The following CADM2 variants were observed in gnomAD, a reference collection of about 807,000 sequenced individuals.
The protein encoded by CADM2 is immunoglobulin superfamily member 4D.
Under a neutral mutation model 49.8 loss-of-function variants are expected in CADM2, and 12 were observed. That is an observed-to-expected ratio of 0.24 (90% CI 0.15 to 0.39). The LOEUF is 0.39. Ranked by LOEUF, CADM2 falls within the 10% of genes least tolerant of loss-of-function variation. The pLI, the probability that CADM2 is intolerant of heterozygous loss-of-function variation, is 1.00. For synonymous variants in CADM2, 214 were observed against 175.4 expected (o/e 1.22, Z -1.74); for missense variants, 378 against 492.3 (o/e 0.77, Z 2.20).
chr3:85,581,800 T>C (rs1470746637), intron 1 of CADM2, among the ~76,000 whole-genome samples: 1 of 152,048 alleles, frequency 6.6e-6, no homozygotes, highest in African/African-American at 2.4e-5. Context: ...TCTTAAGTTC[T>C]TAGTGAGCTT....
intron 7 of CADM2, among the ~76,000 whole-genome samples, chr3:85,948,523 T>C (rs1398346564): frequency 3.3e-5 from 5 of 151,426 alleles, no homozygotes; most frequent in Non-Finnish European, 5.9e-5. Context: ...AGAGATGTGC[T>C]ATTATTTTAA....
intron 1 of CADM2, among the ~76,000 whole-genome samples, chr3:85,004,486 C>T (rs2033628959): frequency 6.6e-6 from 1 of 152,046 alleles, no homozygotes; most frequent in African/African-American, 2.4e-5. Context: ...AGTAAATAAG[C>T]AATTCTACTG....
intron 1 of CADM2, among the ~76,000 whole-genome samples, chr3:85,487,947 C>T (rs17022879): frequency 0.15 from 22,520 of 151,986 alleles, 2,033 homozygotes; most frequent in East Asian, 0.29. Context: ...AATTTCACAC[C>T]CCATTTTACA....
chr3:85,184,690 A>G (rs2041012667), intron 1 of CADM2, among the ~76,000 whole-genome samples: 1 of 152,068 alleles, frequency 6.6e-6, no homozygotes, highest in Admixed American at 6.6e-5. Context: ...AAACACCTAA[A>G]TAAGTTAGCT....
chr3:85,840,642 C>T (rs1036899042), intron 3 of CADM2, among the ~76,000 whole-genome samples: 1 of 151,726 alleles, frequency 6.6e-6, no homozygotes, highest in Non-Finnish European at 1.5e-5. Flanking sequence ...TTCAGAAATC[C>T]ATTGTTCATT....
At chr3:85,742,589 A>G (rs556644191) in intron 2 of CADM2, among the ~76,000 whole-genome samples, 2 of 152,228 alleles carry the variant, frequency 1.3e-5, no homozygotes, top group Non-Finnish European at 2.9e-5. Flanking sequence ...GTTATTTCAG[A>G]GCAAAAATTA....
intron 1 of CADM2, among the ~76,000 whole-genome samples, chr3:85,723,656 T>C (rs2067587501): frequency 6.6e-6 from 1 of 152,104 alleles, no homozygotes; most frequent in East Asian, 1.9e-4. Flanking sequence ...AATCAAAGGA[T>C]AAAATCCTCT....
At chr3:85,776,199 CTTA>C (rs2107973385) in intron 2 of CADM2, among the ~76,000 whole-genome samples, 1 of 151,684 alleles carries the variant, frequency 6.6e-6, no homozygotes, top group South Asian at 2.1e-4. Flanking sequence ...TCATTCTAGG[CTTA>C]TTATAGTCTT....
chr3:85,123,523 T>C (rs1443880884), intron 1 of CADM2, among the ~76,000 whole-genome samples: 2 of 152,170 alleles, frequency 1.3e-5, no homozygotes, highest in Non-Finnish European at 2.9e-5. Context: ...GATGTGATTG[T>C]TTTCTGAAGA....
intron 3 of CADM2, among the ~76,000 whole-genome samples, chr3:85,859,062 A>G (rs1050045889): frequency 1.3e-5 from 2 of 152,068 alleles, no homozygotes; most frequent in Non-Finnish European, 2.9e-5. Flanking sequence ...AAACATTCTC[A>G]TTGTATACTA....
chr3:85,133,847 G>A (rs1033414763), intron 1 of CADM2, among the ~76,000 whole-genome samples: 1 of 152,122 alleles, frequency 6.6e-6, no homozygotes, highest in Non-Finnish European at 1.5e-5. Flanking sequence ...TGCCAGTCCC[G>A]CGCCGTGCGC....
Position 85,376,618 on chromosome 3 carries a change from G to T in CADM2, c.62-349904G>T, listed in dbSNP as rs547792207. On this transcript the variant is annotated intron_variant, in intron 1 of 9. Coordinates refer to ENST00000383699, the MANE Select transcript of CADM2 (RefSeq NM_001167675.2). ...TGTATTCTGAAAAATGGATACACAT[G>T]ATGGTTTACTATTTATTTGGAACTT... Among the ~76,000 whole-genome samples, 135 of 152,074 alleles carry T rather than the reference G, an allele frequency of 8.9e-4. 1 individual carries two copies. Among genetic ancestry groups the T allele is most frequent in the Middle Eastern group, 3.4e-3 (1 of 290 alleles).
chr3:85,881,335 G>A (rs1042730260), intron 3 of CADM2, among the ~76,000 whole-genome samples: 1 of 151,688 alleles, frequency 6.6e-6, no homozygotes, highest in Admixed American at 6.6e-5. Flanking sequence ...TTTTATAATG[G>A]TTGCTTAAAA....
chr3:86,035,532 A>G (rs530049363), intron 8 of CADM2, among the ~76,000 whole-genome samples: 1 of 152,224 alleles, frequency 6.6e-6, no homozygotes, highest in East Asian at 1.9e-4. Context: ...GAACGCATAT[A>G]TAGTATACTT....
intron 2 of CADM2, among the ~76,000 whole-genome samples, chr3:85,775,574 C>T (rs9869320): frequency 0.14 from 21,842 of 151,674 alleles, 2,004 homozygotes; most frequent in Non-Finnish European, 0.2. Context: ...ATTTTATAAA[C>T]TGCTTTTTAA....
At chr3:85,584,496 G>T (rs2062883247) in intron 1 of CADM2, among the ~76,000 whole-genome samples, 1 of 152,044 alleles carries the variant, frequency 6.6e-6, no homozygotes, top group African/African-American at 2.4e-5. Context: ...TATATGTTAT[G>T]GTGCTTGCCG....
chr3:86,014,800 A>G lies in CADM2; in HGVS notation c.971-50805A>G, dbSNP rs1360352000. 31 of 1,484,312 alleles carry G rather than the reference A, an allele frequency of 2.1e-5. No individual in the cohort carries two copies. In the Middle Eastern group the frequency reaches 7.6e-4, roughly 37 times the overall value. The allele number at this position is 1,484,312 out of a possible 1,614,324, so 91.9% of individuals were successfully genotyped here. On this transcript the variant is annotated intron_variant, in intron 8 of 9. Transcript: ENST00000383699. ...ATCAAATAGAAACACAGGAGGAAAGATATAGAGCTTCCATCCACCATCTAT... is the reference window on the plus strand; with the variant it reads ...ATCAAATAGAAACACAGGAGGAAAGGTATAGAGCTTCCATCCACCATCTAT...
intron 1 of CADM2, among the ~76,000 whole-genome samples, chr3:85,055,899 T>C (rs1242924008): frequency 6.6e-6 from 1 of 152,048 alleles, no homozygotes; most frequent in Non-Finnish European, 1.5e-5. Context: ...GTTATTGACA[T>C]ACTCTGTAAG....
At chr3:85,943,917 T>G (rs1473794482) in intron 7 of CADM2, among the ~76,000 whole-genome samples, 1 of 151,910 alleles carries the variant, frequency 6.6e-6, no homozygotes, top group Non-Finnish European at 1.5e-5. Flanking sequence ...AATTCACACA[T>G]AACAATATTA....
Sources: gnomAD v4.1 joint callset for allele counts (sites outside exome capture counted in the v4.1 genomes callset) on GRCh38, gnomAD v4.1.1 for gene constraint, MANE v1.5 for transcripts, NCBI Gene and HGNC (gene_info 2026-07-23, HGNC 2026-07-21) for gene names.